Variants in UBR4 observed in about 807,000 individuals in gnomAD.
UBR4 encodes the protein ubiquitin protein ligase E3 component n-recognin 4, also known as E3 ubiquitin-protein ligase UBR4.
A neutral mutation model predicts 575.6 loss-of-function variants in UBR4; 124 were observed. That is an observed-to-expected ratio of 0.22 (90% CI 0.19 to 0.25). The LOEUF (loss-of-function observed/expected upper bound fraction) is 0.25. Ranked by LOEUF, UBR4 falls within the 10% of genes least tolerant of loss-of-function variation. The probability of loss-of-function intolerance (pLI) is 1.00; values close to 1 mark genes in which losing one functional copy is unlikely to be tolerated. For synonymous variants in UBR4, 2,455 were observed against 2,473.7 expected, an observed-to-expected ratio of 0.99 and a Z score of 0.22; for missense variants, 4,818 against 6,478.8, an observed-to-expected ratio of 0.74 and a Z score of 8.80.
chr1:19,084,696 T>C lies in UBR4; in HGVS notation c.14816A>G (p.His4939Arg). The C allele has an allele frequency of 6.3e-7, 1 of 1,595,246 alleles. No individual in the cohort carries two copies. The highest frequency in any genetic ancestry group is 8.6e-7 in the Non-Finnish European group (1 of 1,166,348). The change falls in exon 102 of 106, where the codon CAC (histidine) becomes CGC (arginine). Residue 4939 changes from histidine (H) to arginine (R), a missense_variant and splice_region_variant. This residue lies in a region of UBR4 where 196 missense variants were observed against 386.8 expected (regional missense o/e 0.51). Transcript: ENST00000375254. ...ESAFATCLAR[H>R]NTYLQECTGQ... ...TGTACATTCCTGGAGGTAAGTGTTG[T>C]GTCTAGAGGGAAGCAGAACAAACAA...
rs2077183390 is a variant in UBR4 at position 19,088,038 on chromosome 1, CAG to C, written c.14431-111_14431-110del. 2.5e-6 allele frequency: 2 copies of C among 802,062 alleles called. No individual in the cohort carries two copies. The highest frequency in any genetic ancestry group is 1.7e-5 in the African/African-American group (1 of 58,622). The allele number at this position is 802,062 out of a possible 1,614,324, so 49.7% of individuals were successfully genotyped here. On this transcript the variant is annotated intron_variant, in intron 98 of 105. Transcript: ENST00000375254. This position sits in a 1 kb window ranked among gnomAD's most constrained non-coding sequence, Gnocchi z 4.0. ...TAACCTTCTACCTCCACTAAAAGGA[CAG>C]GTGCATGAGAGGAAAGCCCTTGAGC...
chr1:19,119,298 C>T (rs16862550), intron 70 of UBR4, among the ~76,000 whole-genome samples: 271 of 152,290 alleles, frequency 1.8e-3, no homozygotes, highest in East Asian at 0.014. Context: ...CTTGCTTTTC[C>T]AAGGAACTGT....
Position 19,088,834 on chromosome 1 carries a change from G to A in UBR4, c.14355C>T (p.Arg4785=), listed in dbSNP as rs1222378617. 1 of 1,614,064 alleles carries A rather than the reference G, an allele frequency of 6.2e-7. No individual in the cohort carries two copies. The highest frequency in any genetic ancestry group is 8.5e-7 in the Non-Finnish European group (1 of 1,179,974). The change falls in exon 98 of 106, where the codon CGC becomes CGT. Residue 4785 remains arginine (R), a synonymous_variant. Coordinates refer to ENST00000375254, the MANE Select transcript of UBR4 (RefSeq NM_020765.3). This position sits in a 1 kb window ranked among gnomAD's most constrained non-coding sequence, Gnocchi z 4.0. ...GCTTCTTCTCTGCCCGGGTCTCCCT[G>A]CGGGCTGCGTCAATCTTCTTGTTTA... The part of the protein sequence containing the change: ...PDVNKKIDAA[R]RETRAEKKRM...
rs1341280754 is a variant in UBR4, at chr1:19,105,817, G to A, written c.12419C>T (p.Ala4140Val). Residue 4140 changes from alanine (A) to valine (V), a missense_variant, in exon 84 of 106, where the codon GCC becomes GTC. Physicochemically the swap from Ala to Val is moderately conservative, Grantham distance 64. Transcript: ENST00000375254. The stretch of plus-strand genomic sequence containing the variant: ...AATGGTACAGGCTGCCTGCCGTGCG[G>A]CCTGCGTTGCTGGAGTGAAAAGCAC... ...RQVLFTPATQ[A>V]ARQAACTIVE... 7.5e-6 allele frequency: 12 copies of A among 1,606,082 alleles called. No homozygotes were observed. The highest frequency in any genetic ancestry group is 1.7e-5 in the Admixed American group (1 of 57,742).
In UBR4 at chr1:19,119,529, G is replaced by A. The variant is rs199868472; in HGVS notation, c.10455+28C>T. The A allele has an allele frequency of 1.9e-3, 2,989 of 1,599,060 alleles. 5 individuals are homozygous for A. The highest frequency in any genetic ancestry group is 2.2e-3 in the Non-Finnish European group (2,619 of 1,168,586). On this transcript the variant is annotated intron_variant, in intron 70 of 105. Coordinates refer to ENST00000375254, the MANE Select transcript of UBR4 (RefSeq NM_020765.3). ...AAAAAAGGTTAAATATGGCAAGTTG[G>A]CCCCTCTGACCATAAAGCAACTGTT...
Position 19,117,553 on chromosome 1 carries a change from G to A in UBR4, c.10630-139C>T, listed in dbSNP as rs1271516199. On this transcript the variant is annotated intron_variant, in intron 72 of 105. Transcript: ENST00000375254. The surrounding 1 kb of genome is among the most constrained non-coding windows in gnomAD (Gnocchi z 4.0). ...TTTAAAAAATATTTTGTAGAGATGGGGTCTCACCATCTTGCCCAGGCTGGT... is the reference window on the plus strand; with the variant it reads ...TTTAAAAAATATTTTGTAGAGATGGAGTCTCACCATCTTGCCCAGGCTGGT... 9.5e-7 allele frequency: 1 copy of A among 1,052,154 alleles called. No individual in the cohort carries two copies. Among genetic ancestry groups the A allele is most frequent in the Non-Finnish European group, 1.3e-6 (1 of 743,368 alleles). 65.2% of individuals were successfully genotyped at this position (1,052,154 alleles called of 1,614,324 possible).
rs373475313 is a variant in UBR4, at chr1:19,112,641, G to A, written c.11684C>T (p.Ala3895Val). ...TLLRALATNP[A>V]LRHILVSQGL... ...CTGGGAGACAAGGATGTGCCTCAAG[G>A]CTGGGTTGGTGGCCAGGGCCCGAAG... Residue 3895 changes from alanine to valine, a missense_variant, in exon 78 of 106, where the codon GCC becomes GTC. Ala to Val is a moderately conservative substitution (Grantham distance 64, BLOSUM62 0). Around this residue, in one of 29 missense-constraint regions of UBR4, gnomAD observed 333 missense variants for 459.2 expected, o/e 0.73. Coordinates refer to ENST00000375254, the MANE Select transcript of UBR4 (RefSeq NM_020765.3). 1 of 1,614,282 alleles carries A rather than the reference G, an allele frequency of 6.2e-7. No homozygotes were observed. The highest frequency in any genetic ancestry group is 8.5e-7 in the Non-Finnish European group (1 of 1,180,048).
chr1:19,111,098 C>T (rs367840994), intron 78 of UBR4, among the ~76,000 whole-genome samples: 7 of 152,282 alleles, frequency 4.6e-5, no homozygotes, highest in Non-Finnish European at 5.9e-5. Flanking sequence ...ATGTCCCAGG[C>T]GACAGAGCCC....
Position 19,117,116 on chromosome 1 carries a change from G to A in UBR4, c.10823+105C>T, listed in dbSNP as rs1426734844. On this transcript the variant is annotated intron_variant, in intron 73 of 105. Transcript: ENST00000375254. The surrounding 1 kb of genome is among the most constrained non-coding windows in gnomAD (Gnocchi z 4.0). ...ATGGAGGGGCCAAGAGGATGTATTA[G>A]GCCTCTAGGGATGTGCTGCCTTACT... 1 of 1,247,530 alleles carries A rather than the reference G, an allele frequency of 8.0e-7. No individual in the cohort carries two copies. The highest frequency in any genetic ancestry group is 1.1e-6 in the Non-Finnish European group (1 of 875,200). 77.3% of individuals were successfully genotyped at this position (1,247,530 alleles called of 1,614,324 possible).
intron 66 of UBR4, 94 bp from the exon 67 acceptor site, chr1:19,122,106 G>T: frequency 7.9e-7 from 1 of 1,268,814 alleles, no homozygotes; most frequent in South Asian, 1.2e-5. Context: ...CCCTGACTTT[G>T]GACTACACCT....
Position 19,113,910 on chromosome 1 carries a change from C to T in UBR4, c.11328+35G>A, listed in dbSNP as rs772721862. ...GGCAGTCTTCTGATCAAGACCCAAG[C>T]CCTTATCCAAATGCCCTTTGCAGCG... On this transcript the variant is annotated intron_variant, in intron 76 of 105. Transcript: ENST00000375254. 2.5e-6 allele frequency: 4 copies of T among 1,614,126 alleles called. No individual in the cohort carries two copies. In the South Asian group the frequency reaches 4.4e-5, roughly 18 times the overall value.
At chr1:19,163,347 G>A (rs1452202291) in intron 34 of UBR4, among the ~76,000 whole-genome samples, 1 of 152,204 alleles carries the variant, frequency 6.6e-6, no homozygotes, top group Non-Finnish European at 1.5e-5. Flanking sequence ...TTTCTTACCA[G>A]AGTAACCAGA....
In UBR4 at chr1:19,095,625, C is replaced by A. The variant is rs1350978852; in HGVS notation, c.13546G>T (p.Val4516Leu). The change falls in exon 93 of 106, where the codon GTG becomes TTG. Residue 4516 changes from valine (V) to leucine (L), a missense_variant. Physicochemically the swap from Val to Leu is conservative, Grantham distance 32. Around this residue, in one of 29 missense-constraint regions of UBR4, gnomAD observed 165 missense variants for 282.3 expected, o/e 0.58. Transcript: ENST00000375254. The part of the protein sequence containing the change: ...TVLLKLFSYC[V>L]KVKVNRQQLV... ...TGCTGCCGGTTGACTTTCACCTTCA[C>A]GCAGTAACTGAACAATTTCAGTAGC... 6.2e-7 allele frequency: 1 copy of A among 1,614,078 alleles called. No individual in the cohort carries two copies. Among genetic ancestry groups the A allele is most frequent in the Non-Finnish European group, 8.5e-7 (1 of 1,179,990 alleles).
Position 19,144,897 on chromosome 1 carries a change from A to G in UBR4, c.7956T>C (p.His2652=), listed in dbSNP as rs746494138. 6.2e-7 allele frequency: 1 copy of G among 1,613,992 alleles called. No individual in the cohort carries two copies. The highest frequency in any genetic ancestry group is 1.3e-5 in the African/African-American group (1 of 74,928). ...LAPACLPGLT[H]IEATVNALVD... The stretch of plus-strand genomic sequence containing the variant: ...CCAGAGCATTGACAGTAGCTTCAAT[A>G]TGAGTTAGTCCTAAAGGAGAGACAA... Residue 2652 remains histidine, a synonymous_variant, in exon 54 of 106, where the codon CAT becomes CAC. Coordinates refer to ENST00000375254, the MANE Select transcript of UBR4 (RefSeq NM_020765.3).
chr1:19,170,808 A>T lies in UBR4; in HGVS notation c.3597T>A (p.Ala1199=). Reference sequence around the variant, plus strand: ...TGCTAGAGCCAATAGCCAAAACAGCAGCAAAGCCTTGCAGTTTCTCCTTGG... The same window carrying T: ...TGCTAGAGCCAATAGCCAAAACAGCTGCAAAGCCTTGCAGTTTCTCCTTGG... ...KPSKEKLQGF[A]AVLAIGSSRC... The change falls in exon 26 of 106, where the codon GCT becomes GCA. Residue 1199 remains alanine (A), a synonymous_variant. Coordinates refer to ENST00000375254, the MANE Select transcript of UBR4 (RefSeq NM_020765.3). 6.2e-7 allele frequency: 1 copy of T among 1,614,232 alleles called. No homozygotes were observed. The highest frequency in any genetic ancestry group is 8.5e-7 in the Non-Finnish European group (1 of 1,180,038).
rs780227437 is a variant in UBR4 at position 19,117,923 on chromosome 1, C to T, written c.10542-13G>A. ...GCCAGACAAAGTGCTAAGGAAGAAA[C>T]CAGTCTTAGCATGAACACATTTTCA... On this transcript the variant is annotated splice_polypyrimidine_tract_variant and intron_variant, in intron 71 of 105. Coordinates refer to ENST00000375254, the MANE Select transcript of UBR4 (RefSeq NM_020765.3). The surrounding 1 kb of genome is among the most constrained non-coding windows in gnomAD (Gnocchi z 4.0). 6.2e-7 allele frequency: 1 copy of T among 1,610,472 alleles called. No individual in the cohort carries two copies. The highest frequency in any genetic ancestry group is 8.5e-7 in the Non-Finnish European group (1 of 1,176,840).
At chr1:19,209,938 C>T (rs1373396195) in intron 1 of UBR4, 135 bp downstream of exon 1, 2 of 1,337,186 alleles carry the variant, frequency 1.5e-6, no homozygotes, top group East Asian at 3.1e-5. Flanking sequence ...TCCCCGGGCC[C>T]GGGACCCCGA....
chr1:19,095,714 G>C, intron 92 of UBR4, 62 bp from the exon 93 acceptor site: 1 of 1,483,760 alleles, frequency 6.7e-7, no homozygotes, highest in Non-Finnish European at 9.4e-7. Context: ...ATGGGGGCCA[G>C]TAGGAAAGGG....
In UBR4 at chr1:19,106,734, G is replaced by A; in HGVS notation, c.12236-8C>T. On this transcript the variant is annotated splice_region_variant and splice_polypyrimidine_tract_variant and intron_variant, in intron 82 of 105. Coordinates refer to ENST00000375254, the MANE Select transcript of UBR4 (RefSeq NM_020765.3). ...TCCCATTGCCATCTATCCCTGCAAG[G>A]CCAAGGGTTGCAGGGGTAGTAGGTA... The A allele has an allele frequency of 1.9e-6, 3 of 1,596,678 alleles. No homozygotes were observed. The highest frequency in any genetic ancestry group is 2.6e-6 in the Non-Finnish European group (3 of 1,168,974).
Sources: gnomAD v4.1 joint callset for allele counts (sites outside exome capture counted in the v4.1 genomes callset) on GRCh38, gnomAD v4.1.1 for gene constraint, gnomAD v4.1.1 regional missense constraint, Gnocchi (gnomAD v3.1) non-coding constraint, MANE v1.5 for transcripts, NCBI Gene and HGNC (gene_info 2026-07-23, HGNC 2026-07-21) for gene names.